Variants in MRTFB observed in about 807,000 individuals in gnomAD.
MRTFB encodes the protein myocardin related transcription factor B, also known as myocardin-related transcription factor B.
In MRTFB, 29 loss-of-function variants were observed where a neutral mutation model predicts 104.2. That is an observed-to-expected ratio of 0.28 (90% CI 0.21 to 0.38). MRTFB has a LOEUF of 0.38. Among genes scored for constraint, MRTFB ranks in the 10% least tolerant of loss-of-function variants. The probability of loss-of-function intolerance (pLI) is 1.00; values close to 1 mark genes in which losing one functional copy is unlikely to be tolerated. For synonymous variants in MRTFB, 535 were observed against 519.5 expected (o/e 1.03, Z -0.41); for missense variants, 1,270 against 1,341.6 (o/e 0.95, Z 0.83).
chr16:14,159,369 C>G (rs1016691912), intron 3 of MRTFB, among the ~76,000 whole-genome samples: 1 of 152,126 alleles, frequency 6.6e-6, no homozygotes, highest in Non-Finnish European at 1.5e-5. Context: ...AAAAATTTCT[C>G]TAGTAGAAGA....
intron 15 of MRTFB, among the ~76,000 whole-genome samples, chr16:14,253,175 G>T (rs968022979): frequency 6.6e-6 from 1 of 152,090 alleles, no homozygotes; most frequent in African/African-American, 2.4e-5. Flanking sequence ...GCCCATGGTG[G>T]GTGCCCAGTC....
the MRTFB span, among the ~76,000 whole-genome samples, chr16:14,041,991 A>T: frequency 8.5e-5 from 13 of 152,278 alleles, no homozygotes; most frequent in African/African-American, 2.6e-4. Context: ...GCTGGATCAC[A>T]TGGTAATTCT....
the MRTFB span, among the ~76,000 whole-genome samples, chr16:14,060,971 C>G: frequency 6.6e-6 from 1 of 151,964 alleles, no homozygotes; most frequent in Non-Finnish European, 1.5e-5. Flanking sequence ...ACAGTGAAAC[C>G]CTGTCTCTAC....
At position 14,129,177 on chromosome 16, in the gene MRTFB, T is replaced by G. The variant is rs144469079; in HGVS notation, c.-63-11367T>G. Among the ~76,000 whole-genome samples, 380 of 152,376 alleles carry G rather than the reference T, an allele frequency of 2.5e-3. 1 individual carries two copies. The highest frequency in any genetic ancestry group is 8.7e-3 in the African/African-American group (362 of 41,584). On this transcript the variant is annotated intron_variant, in intron 2 of 16. Transcript: ENST00000571589. Reference sequence around the variant, plus strand: ...AATCCATTTAGGTCATTTGGGTAGTTTCCAGTTTGGGACAATTATGAATAT... The same window carrying G: ...AATCCATTTAGGTCATTTGGGTAGTGTCCAGTTTGGGACAATTATGAATAT...
At chr16:14,082,956 G>T (rs137871475) in intron 2 of MRTFB, among the ~76,000 whole-genome samples, 1,527 of 152,048 alleles carry the variant, frequency 0.01, 17 homozygotes, top group Middle Eastern at 0.061. Flanking sequence ...TGGGTAGTAT[G>T]GTCATTTTAA....
chr16:14,186,166 A>G (rs1294294808), intron 3 of MRTFB, among the ~76,000 whole-genome samples: 2 of 152,266 alleles, frequency 1.3e-5, no homozygotes, highest in African/African-American at 4.8e-5. Flanking sequence ...CTGCAATTGC[A>G]GTACATTTCC....
the MRTFB span, among the ~76,000 whole-genome samples, chr16:14,043,444 C>G: frequency 6.6e-6 from 1 of 152,040 alleles, no homozygotes; most frequent in South Asian, 2.1e-4. Context: ...GTGCTGTGGT[C>G]CTGTGTCTGG....
chr16:14,238,399 G>A (rs928597134), intron 9 of MRTFB, among the ~76,000 whole-genome samples: 11 of 152,156 alleles, frequency 7.2e-5, no homozygotes, highest in African/African-American at 2.7e-4. Context: ...AACATGTAAA[G>A]GTTGTAACAG....
At chr16:14,005,380 C>A in the MRTFB span, among the ~76,000 whole-genome samples, 1 of 152,120 alleles carries the variant, frequency 6.6e-6, no homozygotes, top group African/African-American at 2.4e-5. Context: ...GGGTCCAGTA[C>A]AACCTGCATC....
chr16:14,228,430 C>G (rs1307151956), intron 8 of MRTFB, among the ~76,000 whole-genome samples: 1 of 152,112 alleles, frequency 6.6e-6, no homozygotes, highest in Non-Finnish European at 1.5e-5. Context: ...GAAAAATTAG[C>G]TGGGCGTGGT....
chr16:14,016,064 GT>G, the MRTFB span: 1 of 398,420 alleles, frequency 2.5e-6, no homozygotes, highest in Non-Finnish European at 4.4e-6. Flanking sequence ...ATCAAGATGG[GT>G]GGACCCACTG....
At chr16:14,052,062 C>T in the MRTFB span, among the ~76,000 whole-genome samples, 1 of 152,108 alleles carries the variant, frequency 6.6e-6, no homozygotes, top group Admixed American at 6.6e-5. Flanking sequence ...CCATGTGAAG[C>T]GCGCCACCCA....
chr16:13,999,404 T>C, the MRTFB span, among the ~76,000 whole-genome samples: 1 of 151,680 alleles, frequency 6.6e-6, no homozygotes, highest in Admixed American at 6.6e-5. Flanking sequence ...TATTTTTCAC[T>C]TCCTATCTCC....
In MRTFB at chr16:14,193,390, A is replaced by C. The variant is rs554491553; in HGVS notation, c.155-16853A>C. Among the ~76,000 whole-genome samples, 4 of 151,766 alleles carry C rather than the reference A, an allele frequency of 2.6e-5. No individual in the cohort carries two copies. The South Asian group carries it at 6.2e-4, about 24-fold the overall frequency. The stretch of plus-strand genomic sequence containing the variant: ...GAAGCCGCTGGACTTGCTCTCCCTC[A>C]TCTCTCTTCTCTCTAGAATGCCTCC... On this transcript the variant is annotated intron_variant, in intron 3 of 16. Transcript: ENST00000571589.
At chr16:14,200,847 A>C in intron 3 of MRTFB, 2 of 1,460,810 alleles carry the variant, frequency 1.4e-6, no homozygotes, top group South Asian at 2.3e-5. Flanking sequence ...TGGTGCTACA[A>C]GGTGCCAACC....
the MRTFB span, among the ~76,000 whole-genome samples, chr16:14,012,577 C>T: frequency 2.6e-5 from 4 of 152,074 alleles, no homozygotes; most frequent in Admixed American, 1.3e-4. Context: ...GGATAACAGG[C>T]GTGAGCCACC....
At chr16:14,245,292 TGCATTTCCATATAAAGCTTAGA>T (rs1431922917) in intron 10 of MRTFB, among the ~76,000 whole-genome samples, 2 of 152,204 alleles carry the variant, frequency 1.3e-5, no homozygotes, top group Non-Finnish European at 2.9e-5. Context: ...CTTGGTCCTT[TGCATTTCCATATAAAGCTTAGA>T]ATCGCCTTCT....
At chr16:14,217,367 C>A in intron 7 of MRTFB, 80 bp downstream of exon 7, 2 of 1,224,960 alleles carry the variant, frequency 1.6e-6, no homozygotes, top group Non-Finnish European at 2.2e-6. Context: ...AATTTAAAGG[C>A]TAGCACCGAT....
chr16:14,063,274 C>T, the MRTFB span, among the ~76,000 whole-genome samples: 317 of 152,266 alleles, frequency 2.1e-3, 1 homozygote, highest in African/African-American at 7.2e-3. Context: ...TCCATGTGCT[C>T]GGGGTGCACA....
Sources: gnomAD v4.1 joint callset for allele counts (sites outside exome capture counted in the v4.1 genomes callset) on GRCh38, gnomAD v4.1.1 for gene constraint, MANE v1.5 for transcripts, NCBI Gene and HGNC (gene_info 2026-07-23, HGNC 2026-07-21) for gene names.